TENM3: variants seen among roughly 807,000 people sequenced by gnomAD.
TENM3 encodes teneurin-3.
A neutral mutation model predicts 255.1 loss-of-function variants in TENM3; 63 were observed. The ratio of observed to expected loss-of-function variants is 0.25; its 90% CI spans 0.20 to 0.30. The LOEUF is 0.30. Among genes scored for constraint, TENM3 ranks in the 10% least tolerant of loss-of-function variants. The probability of loss-of-function intolerance (pLI) is 1.00; values close to 1 mark genes in which losing one functional copy is unlikely to be tolerated. For synonymous variants in TENM3, 1,306 were observed against 1,322.3 expected (o/e 0.99, Z 0.27); for missense variants, 2,929 against 3,461.1 (o/e 0.85, Z 3.86).
the TENM3 span, among the ~76,000 whole-genome samples, chr4:181,888,069 G>A: frequency 2.6e-5 from 4 of 151,842 alleles, no homozygotes; most frequent in Admixed American, 2.6e-4. Flanking sequence ...TTGCTCTGCT[G>A]CCCAGGCTGG....
intron 3 of TENM3, among the ~76,000 whole-genome samples, chr4:182,402,510 A>T (rs1769277028): frequency 6.6e-6 from 1 of 152,208 alleles, no homozygotes; most frequent in African/African-American, 2.4e-5. Flanking sequence ...CAGCCATAAA[A>T]ATAAACATGG....
chr4:182,764,021 C>T (rs1250085917), intron 22 of TENM3, among the ~76,000 whole-genome samples: 1 of 152,204 alleles, frequency 6.6e-6, no homozygotes, highest in Non-Finnish European at 1.5e-5. Context: ...CAATTAACCA[C>T]AAGCATAGGT....
chr4:181,760,105 C>A, the TENM3 span, among the ~76,000 whole-genome samples: 2 of 151,972 alleles, frequency 1.3e-5, no homozygotes, highest in African/African-American at 2.4e-5. Context: ...CAAACTTTAA[C>A]AAATTTCAAA....
At chr4:181,979,315 A>G in the TENM3 span, among the ~76,000 whole-genome samples, 3 of 151,256 alleles carry the variant, frequency 2.0e-5, no homozygotes, top group East Asian at 2.0e-4. Flanking sequence ...GTAAATTCCC[A>G]TGGATAAAGC....
At chr4:181,752,722 G>C in the TENM3 span, among the ~76,000 whole-genome samples, 2 of 151,676 alleles carry the variant, frequency 1.3e-5, no homozygotes, top group African/African-American at 4.8e-5. Flanking sequence ...AGAACAGAAA[G>C]TAAAATTATG....
At position 182,432,849 on chromosome 4, in the gene TENM3, G is replaced by GGTGTGTGTGTGT. The variant is rs70956512; in HGVS notation, c.511+85925_511+85936dup. Among the ~76,000 whole-genome samples, 54 of 143,040 alleles carry GGTGTGTGTGTGT rather than the reference G, an allele frequency of 3.8e-4. 1 individual carries two copies. Among genetic ancestry groups the GGTGTGTGTGTGT allele is most frequent in the African/African-American group, 8.2e-4 (32 of 38,904 alleles). The allele number at this position is 143,040 out of a possible 152,430, so 93.8% of individuals were successfully genotyped here. A position where few individuals can be genotyped will look rare whatever the true frequency, so the allele number is the denominator to read the frequency against. On this transcript the variant is annotated intron_variant, in intron 3 of 27. Coordinates refer to ENST00000511685, the MANE Select transcript of TENM3 (RefSeq NM_001080477.4). ...AATTTTTCATCAGGGAATGGATTTG[G>GGTGTGTGTGTGT]GTGTGTGTGTGTGTGTTTTAGTAGA... is the stretch of plus-strand genomic sequence containing the variant.
intron 12 of TENM3, among the ~76,000 whole-genome samples, chr4:182,688,926 T>C (rs781316657): frequency 2.0e-5 from 3 of 152,196 alleles, no homozygotes; most frequent in Non-Finnish European, 4.4e-5. Flanking sequence ...TTTTCATATA[T>C]GATGACATTT....
At chr4:182,373,271 T>G (rs1006292805) in intron 3 of TENM3, among the ~76,000 whole-genome samples, 2 of 152,204 alleles carry the variant, frequency 1.3e-5, no homozygotes, top group Non-Finnish European at 2.9e-5. Context: ...GCAGCGTTCA[T>G]GTGACCCCTA....
intron 1 of TENM3, among the ~76,000 whole-genome samples, chr4:182,261,168 C>T (rs959370440): frequency 2.6e-5 from 4 of 152,226 alleles, no homozygotes; most frequent in African/African-American, 9.6e-5. Flanking sequence ...GCCACCGCGC[C>T]TGGCCTAATT....
the TENM3 span, among the ~76,000 whole-genome samples, chr4:181,934,946 C>T: frequency 2.0e-5 from 3 of 152,108 alleles, no homozygotes; most frequent in African/African-American, 7.2e-5. Flanking sequence ...TGCTTAAACT[C>T]TATATTTTGA....
At chr4:182,446,609 G>A (rs1772931817) in intron 3 of TENM3, among the ~76,000 whole-genome samples, 1 of 151,574 alleles carries the variant, frequency 6.6e-6, no homozygotes, top group South Asian at 2.1e-4. Context: ...GCATAGACAA[G>A]CCCCCAGGTC....
intron 11 of TENM3, among the ~76,000 whole-genome samples, chr4:182,686,883 A>G (rs901870804): frequency 5.9e-5 from 9 of 152,150 alleles, no homozygotes; most frequent in Non-Finnish European, 1.2e-4. Context: ...AAGTTAATCA[A>G]ACTATCTTGA....
the TENM3 span, among the ~76,000 whole-genome samples, chr4:181,510,446 C>T: frequency 6.6e-6 from 1 of 152,138 alleles, no homozygotes; most frequent in Non-Finnish European, 1.5e-5. Flanking sequence ...ACCCCAGATT[C>T]TCCAAGGGGT....
chr4:182,066,885 T>C, the TENM3 span, among the ~76,000 whole-genome samples: 3 of 152,300 alleles, frequency 2.0e-5, no homozygotes, highest in East Asian at 1.9e-4. Context: ...CACTCCAGCC[T>C]GGGCGACAGA....
chr4:182,671,336 G>A (rs1277272425), intron 6 of TENM3, among the ~76,000 whole-genome samples: 1 of 152,132 alleles, frequency 6.6e-6, no homozygotes, highest in South Asian at 2.1e-4. Flanking sequence ...TTGTTTTCTG[G>A]CCAGATGGAT....
At chr4:181,872,593 C>T in the TENM3 span, among the ~76,000 whole-genome samples, 2 of 152,146 alleles carry the variant, frequency 1.3e-5, no homozygotes, top group African/African-American at 4.8e-5. Context: ...ACACAAATGT[C>T]CATAATATTT....
intron 19 of TENM3, among the ~76,000 whole-genome samples, chr4:182,747,725 A>G (rs573907084): frequency 4.4e-4 from 67 of 152,356 alleles, no homozygotes; most frequent in African/African-American, 1.6e-3. Context: ...AGTGTCAATC[A>G]TAAGTCTGTG....
the TENM3 span, among the ~76,000 whole-genome samples, chr4:181,605,556 A>AAGAT: frequency 3.3e-4 from 10 of 30,526 alleles, 2 homozygotes; most frequent in African/African-American, 6.3e-4. Context: ...GAAAGAAAGA[A>AAGAT]AGAAAGAAAG....
chr4:181,862,911 C>G, the TENM3 span, among the ~76,000 whole-genome samples: 1 of 152,086 alleles, frequency 6.6e-6, no homozygotes, highest in Non-Finnish European at 1.5e-5. Context: ...CTGGTTCTCA[C>G]TGAAGTTATT....
Sources: gnomAD v4.1 joint callset for allele counts (sites outside exome capture counted in the v4.1 genomes callset) on GRCh38, gnomAD v4.1.1 for gene constraint, MANE v1.5 for transcripts, NCBI Gene and HGNC (gene_info 2026-07-23, HGNC 2026-07-21) for gene names.